Variants in CD53 observed in about 807,000 individuals in gnomAD.
CD53 encodes CD53 molecule, also known as leukocyte surface antigen CD53.
In CD53, 20 loss-of-function variants were observed where a neutral mutation model predicts 27.3. The observed-to-expected ratio is 0.73, with a 90% CI of 0.52 to 1.07. The LOEUF (loss-of-function observed/expected upper bound fraction) is 1.07, where lower values mean the gene tolerates loss of function less well. CD53 is among the 50% of genes least tolerant of loss of function. The pLI, the probability that CD53 is intolerant of heterozygous loss-of-function variation, is 0.00. For missense variants in CD53, 216 were observed against 264.0 expected (o/e 0.82, Z 1.26); for synonymous variants, 106 against 105.3 (o/e 1.01, Z -0.04).
In CD53 at chr1:110,896,719, G is replaced by C; in HGVS notation, c.490G>C (p.Asp164His). The C allele has an allele frequency of 1.9e-6, 3 of 1,613,090 alleles. No homozygotes were observed. The highest frequency in any genetic ancestry group is 2.5e-6 in the Non-Finnish European group (3 of 1,179,598). Residue 164 changes from aspartate (D) to histidine (H), a missense_variant, in exon 6 of 8, where the codon GAT becomes CAT. Physicochemically the swap from Asp to His is moderately conservative, Grantham distance 81 (BLOSUM62 -1). Coordinates refer to ENST00000271324, the MANE Select transcript of CD53 (RefSeq NM_000560.4). The part of the protein sequence containing the change: ...TSGPPASCPS[D>H]RKVEGCYAKA... The stretch of plus-strand genomic sequence containing the variant: ...TGGCCCACCAGCATCTTGCCCCTCA[G>C]ATCGAAAAGTGGAGGTAATTTTGTC...
At chr1:110,877,475 G>A (rs747849867) in intron 1 of CD53, among the ~76,000 whole-genome samples, 3 of 152,112 alleles carry the variant, frequency 2.0e-5, no homozygotes, top group Non-Finnish European at 4.4e-5. Flanking sequence ...AACTGTTTTA[G>A]GTAACTGTTC....
chr1:110,877,118 G>C (rs115324549), intron 1 of CD53, among the ~76,000 whole-genome samples: 2 of 152,030 alleles, frequency 1.3e-5, no homozygotes, highest in Non-Finnish European at 2.9e-5. Flanking sequence ...TTCTAGTCAC[G>C]CATTGCCTTC....
chr1:110,899,293 C>T lies in CD53; in HGVS notation c.*98C>T. The T allele has an allele frequency of 1.2e-6, 1 of 830,346 alleles. No individual in the cohort carries two copies. Among genetic ancestry groups the T allele is most frequent in the Non-Finnish European group, 2.0e-6 (1 of 504,434 alleles). The allele number at this position is 830,346 out of a possible 1,614,324, so 51.4% of individuals were successfully genotyped here. On this transcript the variant is annotated 3_prime_UTR_variant, in exon 8 of 8. Transcript: ENST00000271324. The stretch of plus-strand genomic sequence containing the variant: ...TACATGATCACTGCAGGATGATCCT[C>T]CTCCCATCCTTTCCCTTTTTAGGTC...
intron 1 of CD53, among the ~76,000 whole-genome samples, chr1:110,877,568 G>A (rs1350668442): frequency 6.6e-6 from 1 of 152,174 alleles, no homozygotes; most frequent in Non-Finnish European, 1.5e-5. Flanking sequence ...CCACATGGGA[G>A]GAAGTGAGCT....
At chr1:110,894,284 G>C in intron 3 of CD53, 43 bp from the exon 4 acceptor site, 1 of 1,565,754 alleles carries the variant, frequency 6.4e-7, no homozygotes, top group Non-Finnish European at 8.8e-7. Context: ...AGTGGGACGA[G>C]AATGGGGATC....
chr1:110,872,860 T>C (rs1656005549), upstream of CD53, among the ~76,000 whole-genome samples: 1 of 152,238 alleles, frequency 6.6e-6, no homozygotes, highest in Non-Finnish European at 1.5e-5. Context: ...GCCACCTTGA[T>C]TGAGAAGCAC....
chr1:110,874,352 G>C (rs1055892441), intron 1 of CD53, among the ~76,000 whole-genome samples: 1 of 152,192 alleles, frequency 6.6e-6, no homozygotes, highest in African/African-American at 2.4e-5. Flanking sequence ...AGTGGTAGGT[G>C]CCTCCTGAGG....
intron 4 of CD53, 71 bp from the exon 5 acceptor site, chr1:110,894,889 C>A: frequency 8.4e-7 from 1 of 1,184,396 alleles, no homozygotes; most frequent in Non-Finnish European, 1.3e-6. Flanking sequence ...CTAACCTATA[C>A]TGGAAATTCC....
At chr1:110,877,661 C>T (rs1350843858) in intron 1 of CD53, among the ~76,000 whole-genome samples, 2 of 152,130 alleles carry the variant, frequency 1.3e-5, no homozygotes, top group East Asian at 3.8e-4. Flanking sequence ...CTATAAATCG[C>T]CAAATCCTCT....
chr1:110,898,290 T>A (rs2101069875), intron 7 of CD53, among the ~76,000 whole-genome samples: 1 of 145,866 alleles, frequency 6.9e-6, no homozygotes. Flanking sequence ...GGTAGGAGAA[T>A]GGCGTGAACC....
rs1240911195 is a variant in CD53, at chr1:110,874,184, T to A, written c.-18+936T>A. 2.6e-5 allele frequency among the ~76,000 whole-genome samples: 4 copies of A among 152,134 alleles called. No homozygotes were observed. In the East Asian group the frequency reaches 7.7e-4, roughly 29 times the overall value. Reference sequence around the variant, plus strand: ...AGTTCTCTTTGATTACACCCACCCATCTAAGTATGAGGATTGGGAACAGGG... The same window carrying A: ...AGTTCTCTTTGATTACACCCACCCAACTAAGTATGAGGATTGGGAACAGGG... On this transcript the variant is annotated intron_variant, in intron 1 of 7. Coordinates refer to ENST00000271324, the MANE Select transcript of CD53 (RefSeq NM_000560.4).
At chr1:110,883,719 C>T (rs1298092706) in intron 1 of CD53, among the ~76,000 whole-genome samples, 1 of 151,912 alleles carries the variant, frequency 6.6e-6, no homozygotes, top group Non-Finnish European at 1.5e-5. Flanking sequence ...AATTCAGTTT[C>T]TTATTAGAGA....
upstream of CD53, among the ~76,000 whole-genome samples, chr1:110,872,800 T>G (rs1485180121): frequency 1.3e-5 from 2 of 152,138 alleles, no homozygotes; most frequent in Admixed American, 1.3e-4. Flanking sequence ...AAACTGGTGG[T>G]GGGGCCAGGC....
intron 5 of CD53, among the ~76,000 whole-genome samples, chr1:110,895,965 ATAAT>A (rs1221420903): frequency 4.6e-5 from 7 of 152,354 alleles, no homozygotes; most frequent in South Asian, 2.1e-4. Flanking sequence ...AATAAAGTCT[ATAAT>A]TAAATTTCCC....
intron 1 of CD53, among the ~76,000 whole-genome samples, chr1:110,889,555 C>CAAAT (rs57083589): frequency 0.3 from 43,148 of 146,170 alleles, 7,620 homozygotes; most frequent in African/African-American, 0.5. Flanking sequence ...AAAACTCCGT[C>CAAAT]AAATAAATAA....
At chr1:110,880,117 C>A (rs1656297280) in intron 1 of CD53, 1 of 152,200 alleles carries the variant, frequency 6.6e-6, no homozygotes, top group African/African-American at 2.4e-5. Flanking sequence ...TTCCTGGAAA[C>A]TGATATTGGT....
At chr1:110,897,570 A>G (rs974320447) in intron 6 of CD53, 1 of 342,200 alleles carries the variant, frequency 2.9e-6, no homozygotes, top group Non-Finnish European at 5.4e-6. Context: ...TCAGCGGGTA[A>G]GGATCTAGGA....
rs1656850401 is a variant in CD53 at position 110,891,469 on chromosome 1, T to G, written c.61T>G (p.Trp21Gly). The G allele has an allele frequency of 6.2e-7, 1 of 1,611,192 alleles. No homozygotes were observed. Among genetic ancestry groups the G allele is most frequent in the Non-Finnish European group, 8.5e-7 (1 of 1,177,344 alleles). The change falls in exon 2 of 8, where the codon TGG (tryptophan) becomes GGG (glycine). Residue 21 changes from tryptophan to glycine, a missense_variant and splice_region_variant. Coordinates refer to ENST00000271324, the MANE Select transcript of CD53 (RefSeq NM_000560.4). Reference sequence around the variant, plus strand: ...CCTGTTTTTCTTCAACTTGCTCTTTTGGGTAAGTGTATCTCTTCTGAGCAC... The same window carrying G: ...CCTGTTTTTCTTCAACTTGCTCTTTGGGGTAAGTGTATCTCTTCTGAGCAC... ...YVLFFFNLLF[W>G]ICGCCILGFG... is the part of the protein sequence containing the mutation.
At position 110,890,607 on chromosome 1, in the gene CD53, GAAAGC is replaced by G. The variant is rs1360208303; in HGVS notation, c.-17-784_-17-780del. 6.8e-4 allele frequency among the ~76,000 whole-genome samples: 104 copies of G among 152,136 alleles called. 1 individual carries two copies. The highest frequency in any genetic ancestry group is 2.5e-3 in the African/African-American group (102 of 41,496). ...AGAGAAAGAGAAAGAGAAAGGAAAG[GAAAGC>G]GAAAAGGAAAAGTCAAAATTCTGTA... On this transcript the variant is annotated intron_variant, in intron 1 of 7. Coordinates refer to ENST00000271324, the MANE Select transcript of CD53 (RefSeq NM_000560.4).
Sources: gnomAD v4.1 joint callset for allele counts (sites outside exome capture counted in the v4.1 genomes callset) on GRCh38, gnomAD v4.1.1 for gene constraint, MANE v1.5 for transcripts, NCBI Gene and HGNC (gene_info 2026-07-23, HGNC 2026-07-21) for gene names.